The following DMD variants were observed in gnomAD, a reference collection of about 807,000 sequenced individuals.
The protein encoded by DMD is mutant dystrophin.
DMD carries 63 observed loss-of-function variants against 330.1 expected under a neutral mutation model. The observed-to-expected ratio is 0.19, with a 90% CI of 0.16 to 0.24. DMD has a LOEUF of 0.24. Among genes scored for constraint, DMD ranks in the 10% least tolerant of loss-of-function variants. The pLI is 1.00. For missense variants in DMD, 3,344 were observed against 2,684.1 expected, an observed-to-expected ratio of 1.25 and a Z score of -5.43; for synonymous variants, 1,223 against 959.8, an observed-to-expected ratio of 1.27 and a Z score of -5.07.
At chrX:31,871,704 G>GT (rs767462131) in intron 48 of DMD, among the ~76,000 whole-genome samples, 326 of 96,540 alleles carry the variant, frequency 3.4e-3, no homozygotes, top group Non-Finnish European at 3.8e-3. Flanking sequence ...TAGTAAAGGT[G>GT]TTTTTTTTTT....
intron 25 of DMD, among the ~76,000 whole-genome samples, chrX:32,456,284 T>C (rs944676852): frequency 3.6e-5 from 4 of 111,224 alleles, no homozygotes; most frequent in African/African-American, 1.3e-4. Flanking sequence ...CTTGATCTAC[T>C]ACAATGTAAA....
chrX:32,972,237 G>A (rs1253991648), intron 2 of DMD, among the ~76,000 whole-genome samples: 1 of 111,073 alleles, frequency 9.0e-6, no homozygotes, highest in Admixed American at 9.6e-5. Flanking sequence ...GAGTGCGATG[G>A]TGCAATGATG....
At chrX:31,944,250 T>C (rs751038751) in intron 45 of DMD, among the ~76,000 whole-genome samples, 96 of 111,359 alleles carry the variant, frequency 8.6e-4, no homozygotes, top group Admixed American at 2.5e-3. Flanking sequence ...TTTCAGAGGC[T>C]ACATGATGCG....
At position 32,397,704 on chromosome X, in the gene DMD, A is replaced by C. The variant is rs142655579; in HGVS notation, c.4234-7523T>G. 2.1e-3 allele frequency among the ~76,000 whole-genome samples: 232 copies of C among 111,565 alleles called. 1 individual carries two copies. The highest frequency in any genetic ancestry group is 7.3e-3 in the African/African-American group (226 of 30,840). On this transcript the variant is annotated intron_variant, in intron 30 of 78. Coordinates refer to ENST00000357033, the MANE Select transcript of DMD (RefSeq NM_004006.3). ...TCATTCAAACATTAATCACATTTTA[A>C]ATATAGGACTTTACAGTTAACTGAG... is the stretch of plus-strand genomic sequence containing the variant.
chrX:33,324,068 GATTA>G (rs907121061), intron 1 of DMD, among the ~76,000 whole-genome samples: 24 of 111,169 alleles, frequency 2.2e-4, no homozygotes, highest in Non-Finnish European at 1.3e-4. Flanking sequence ...AGAAAAAAAT[GATTA>G]TATATAAAAT....
rs978310013 is a variant in DMD, at chrX:33,161,587, G to T, written c.31+49695C>A. ...CCAGGAATCGAGCCCACCTTTTGCT[G>T]TTTCTGAAACATGTATTCTTCCCAG... On this transcript the variant is annotated intron_variant, in intron 1 of 78. Coordinates refer to ENST00000357033, the MANE Select transcript of DMD (RefSeq NM_004006.3). Among the ~76,000 whole-genome samples, 5 of 111,074 alleles carry T rather than the reference G, an allele frequency of 4.5e-5. No homozygotes were observed. The Admixed American group carries it at 4.8e-4, about 11-fold the overall frequency.
At chrX:32,518,761 C>A (rs2046117224) in intron 17 of DMD, among the ~76,000 whole-genome samples, 1 of 110,638 alleles carries the variant, frequency 9.0e-6, no homozygotes. Context: ...CATGAAGAAG[C>A]ATGGGGCACC....
intron 63 of DMD, among the ~76,000 whole-genome samples, chrX:31,242,150 G>C (rs758545840): frequency 9.3e-6 from 1 of 107,608 alleles, no homozygotes. Context: ...CAGCTGCCTG[G>C]GGGGCTGAGG....
intron 7 of DMD, among the ~76,000 whole-genome samples, chrX:32,759,859 GC>G (rs1297718138): frequency 0.02 from 241 of 11,819 alleles, 4 homozygotes; most frequent in Middle Eastern, 0.17. Flanking sequence ...GGGGGGGGGG[GC>G]GGGGGAAGAC....
chrX:31,219,933 A>G (rs768718562), intron 64 of DMD, among the ~76,000 whole-genome samples: 3 of 110,706 alleles, frequency 2.7e-5, no homozygotes, highest in African/African-American at 9.9e-5. Context: ...AGCCCATGAG[A>G]TTACACTATT....
chrX:32,077,786 TCCAA>T (rs748730311), intron 44 of DMD, among the ~76,000 whole-genome samples: 1 of 111,747 alleles, frequency 8.9e-6, no homozygotes, highest in Admixed American at 9.5e-5. Context: ...TGTTGCCAAA[TCCAA>T]TAGTCACTTA....
At chrX:33,206,134 A>T (rs1355947762) in intron 1 of DMD, among the ~76,000 whole-genome samples, 1 of 111,721 alleles carries the variant, frequency 9.0e-6, no homozygotes, top group Non-Finnish European at 1.9e-5. Flanking sequence ...AATAAACAAA[A>T]ATAAAGGCAA....
chrX:32,599,649 A>C, intron 12 of DMD, among the ~76,000 whole-genome samples: 1 of 111,829 alleles, frequency 8.9e-6, no homozygotes, highest in African/African-American at 3.2e-5. Context: ...TCAGAAAATA[A>C]TACCTTCAAA....
At chrX:31,501,935 T>C (rs959724351) in intron 56 of DMD, among the ~76,000 whole-genome samples, 1 of 111,018 alleles carries the variant, frequency 9.0e-6, no homozygotes, top group African/African-American at 3.3e-5. Flanking sequence ...CAAAGACCCA[T>C]GGAAAAGACT....
At chrX:31,407,029 A>C (rs1034059182) in intron 60 of DMD, among the ~76,000 whole-genome samples, 46 of 112,509 alleles carry the variant, frequency 4.1e-4, no homozygotes, top group African/African-American at 1.4e-3. Context: ...GTCATCAATG[A>C]AAAGTATACT....
intron 63 of DMD, among the ~76,000 whole-genome samples, chrX:31,251,896 ATCAG>A (rs2049403390): frequency 8.9e-6 from 1 of 112,541 alleles, no homozygotes; most frequent in South Asian, 3.7e-4. Context: ...TCTTATTTAG[ATCAG>A]TAAACTACAA....
At chrX:32,939,204 A>ATATATATATATTTGAGATATATATG (rs1569544222) in intron 2 of DMD, among the ~76,000 whole-genome samples, 18 of 107,054 alleles carry the variant, frequency 1.7e-4, no homozygotes, top group East Asian at 1.4e-3. Context: ...ATATGTGTAT[A>ATATATATATATTTGAGATATATATG]TATATATATT....
intron 7 of DMD, among the ~76,000 whole-genome samples, chrX:32,731,574 C>A (rs1469771274): frequency 8.9e-6 from 1 of 112,393 alleles, no homozygotes; most frequent in Non-Finnish European, 1.9e-5. Context: ...TGAGAAGGGG[C>A]AGACTGCCTC....
chrX:31,537,530 C>T (rs1451266791), intron 55 of DMD, among the ~76,000 whole-genome samples: 4 of 112,210 alleles, frequency 3.6e-5, no homozygotes, highest in Non-Finnish European at 5.6e-5. Context: ...CTAGGTATCA[C>T]AACTTAGTTA....
Sources: allele counts gnomAD v4.1 joint callset (sites outside exome capture counted in the v4.1 genomes callset), GRCh38; gene constraint gnomAD v4.1.1; transcripts MANE v1.5; gene names NCBI Gene and HGNC (gene_info 2026-07-23, HGNC 2026-07-21).